Variants in THSD7B observed in about 807,000 individuals in gnomAD.
The protein encoded by THSD7B is thrombospondin type 1 domain containing 7B, also known as thrombospondin type-1 domain-containing protein 7B.
A neutral mutation model predicts 213.6 loss-of-function variants in THSD7B; 138 were observed. The ratio of observed to expected loss-of-function variants is 0.65; its 90% CI spans 0.56 to 0.74. THSD7B has a LOEUF of 0.74. Ranked by LOEUF, THSD7B falls within the 30% of genes least tolerant of loss-of-function variation. THSD7B has a pLI of 0.00. For synonymous variants in THSD7B, 742 were observed against 687.0 expected, an observed-to-expected ratio of 1.08 and a Z score of -1.25; for missense variants, 1,931 against 1,991.5, an observed-to-expected ratio of 0.97 and a Z score of 0.58.
chr2:137,477,964 G>A (rs999873369), intron 15 of THSD7B, among the ~76,000 whole-genome samples: 2 of 151,978 alleles, frequency 1.3e-5, no homozygotes, highest in Non-Finnish European at 2.9e-5. Flanking sequence ...TAGTCTAATG[G>A]AGATTCCCTT....
chr2:137,112,919 G>T (rs1688374808), intron 4 of THSD7B, among the ~76,000 whole-genome samples: 1 of 152,112 alleles, frequency 6.6e-6, no homozygotes, highest in Non-Finnish European at 1.5e-5. Context: ...CCTTGTACAG[G>T]TAGGAAAACA....
intron 1 of THSD7B, among the ~76,000 whole-genome samples, chr2:136,839,248 G>C (rs1044562807): frequency 6.6e-5 from 10 of 152,166 alleles, no homozygotes; most frequent in Non-Finnish European, 1.3e-4. Flanking sequence ...TCTACTGCCT[G>C]AGGGTCACCC....
chr2:136,809,236 T>G (rs1682337887), intron 1 of THSD7B, among the ~76,000 whole-genome samples: 1 of 152,136 alleles, frequency 6.6e-6, no homozygotes, highest in Non-Finnish European at 1.5e-5. Flanking sequence ...CAGGGCCCCC[T>G]TAGAAGACAG....
At chr2:137,453,212 G>A (rs1337053796) in intron 15 of THSD7B, among the ~76,000 whole-genome samples, 3 of 151,862 alleles carry the variant, frequency 2.0e-5, no homozygotes, top group African/African-American at 7.3e-5. Context: ...ACAATATGCG[G>A]GGTACAAAAT....
intron 1 of THSD7B, among the ~76,000 whole-genome samples, chr2:136,783,151 C>T (rs2558100): frequency 0.13 from 19,058 of 152,242 alleles, 1,341 homozygotes; most frequent in South Asian, 0.2. Flanking sequence ...ATCCAGCACA[C>T]TGCCTGGCAT....
intron 15 of THSD7B, among the ~76,000 whole-genome samples, chr2:137,515,903 T>C (rs749004727): frequency 5.3e-5 from 8 of 152,194 alleles, no homozygotes; most frequent in Non-Finnish European, 8.8e-5. Flanking sequence ...AGAAGATATA[T>C]CCTTGACCAA....
intron 2 of THSD7B, among the ~76,000 whole-genome samples, chr2:136,948,022 C>T (rs141360258): frequency 6.6e-6 from 1 of 152,334 alleles, no homozygotes; most frequent in Non-Finnish European, 1.5e-5. Context: ...ACCATCAGCA[C>T]TCTGAGTTTA....
At chr2:136,972,336 A>G (rs1013474398) in intron 2 of THSD7B, among the ~76,000 whole-genome samples, 8 of 152,224 alleles carry the variant, frequency 5.3e-5, no homozygotes, top group African/African-American at 1.7e-4. Context: ...GTGGTGGTCA[A>G]TAACAGCAGA....
At chr2:137,159,351 C>T (rs559040219) in intron 5 of THSD7B, among the ~76,000 whole-genome samples, 17 of 151,632 alleles carry the variant, frequency 1.1e-4, no homozygotes, top group African/African-American at 4.1e-4. Flanking sequence ...GTAGGAAGAT[C>T]GATTAAGTTG....
intron 2 of THSD7B, among the ~76,000 whole-genome samples, chr2:136,919,283 T>C (rs1312138055): frequency 6.6e-6 from 1 of 152,220 alleles, no homozygotes; most frequent in Non-Finnish European, 1.5e-5. Flanking sequence ...TTTTTGCTTC[T>C]GCCAAAATAT....
At chr2:137,631,110 A>G (rs1434592044) in intron 20 of THSD7B, among the ~76,000 whole-genome samples, 11 of 152,170 alleles carry the variant, frequency 7.2e-5, no homozygotes, top group Non-Finnish European at 1.5e-5. Flanking sequence ...GATGCTTGGC[A>G]TATACTTTCT....
At chr2:137,052,457 A>C (rs1687086016) in intron 2 of THSD7B, among the ~76,000 whole-genome samples, 1 of 151,978 alleles carries the variant, frequency 6.6e-6, no homozygotes, top group Non-Finnish European at 1.5e-5. Context: ...TGTTTTTTTC[A>C]CTAGGCATAT....
chr2:137,125,261 A>G (rs1307382460), intron 5 of THSD7B, among the ~76,000 whole-genome samples: 2 of 152,216 alleles, frequency 1.3e-5, no homozygotes, highest in African/African-American at 2.4e-5. Context: ...TTTTACCAGT[A>G]GTAGAACTTA....
chr2:137,317,949 AG>A (rs1253091318), intron 12 of THSD7B, among the ~76,000 whole-genome samples: 1 of 152,112 alleles, frequency 6.6e-6, no homozygotes, highest in Non-Finnish European at 1.5e-5. Flanking sequence ...GGGAAGAAAA[AG>A]GATCCATGCT....
chr2:137,133,370 A>G (rs1688776402), intron 5 of THSD7B, among the ~76,000 whole-genome samples: 1 of 152,174 alleles, frequency 6.6e-6, no homozygotes, highest in Admixed American at 6.6e-5. Flanking sequence ...TGGAACATAA[A>G]CTTCTTTATT....
chr2:136,994,319 C>A (rs6707342), intron 2 of THSD7B, among the ~76,000 whole-genome samples: 31 of 152,276 alleles, frequency 2.0e-4, no homozygotes, highest in African/African-American at 7.5e-4. Flanking sequence ...GTAATCCCAG[C>A]AGTTTGGGAG....
intron 15 of THSD7B, among the ~76,000 whole-genome samples, chr2:137,510,501 A>G (rs2122123): frequency 0.41 from 61,975 of 151,932 alleles, 13,875 homozygotes; most frequent in East Asian, 0.62. Flanking sequence ...TAAAGAAGAA[A>G]GGAAATACAT....
At chr2:136,963,815 T>A (rs2105088302) in intron 2 of THSD7B, among the ~76,000 whole-genome samples, 1 of 152,306 alleles carries the variant, frequency 6.6e-6, no homozygotes, top group African/African-American at 2.4e-5. Context: ...ATGAACTGGA[T>A]CGTCTTGAAT....
intron 16 of THSD7B, 76 bp from the exon 17 acceptor site, chr2:137,572,330 T>C (rs765389115): frequency 5.3e-6 from 8 of 1,516,220 alleles, no homozygotes; most frequent in South Asian, 1.2e-5. Context: ...TCAGTTACTA[T>C]GATACATCAT....
Sources: gnomAD v4.1 joint callset for allele counts (sites outside exome capture counted in the v4.1 genomes callset) on GRCh38, gnomAD v4.1.1 for gene constraint, MANE v1.5 for transcripts, NCBI Gene and HGNC (gene_info 2026-07-23, HGNC 2026-07-21) for gene names.